Variants in CTNNA2 observed in about 807,000 individuals in gnomAD.
CTNNA2 encodes catenin alpha-2.
Under a neutral mutation model 101.0 loss-of-function variants are expected in CTNNA2, and 42 were observed. The ratio of observed to expected loss-of-function variants is 0.42; its 90% CI spans 0.32 to 0.54. The LOEUF (loss-of-function observed/expected upper bound fraction) is 0.54. CTNNA2 is among the 20% of genes least tolerant of loss of function. The pLI, the probability that CTNNA2 is intolerant of heterozygous loss-of-function variation, is 0.14. For missense variants in CTNNA2, 871 were observed against 1,223.1 expected (o/e 0.71, Z 4.29); for synonymous variants, 450 against 456.4 (o/e 0.99, Z 0.18).
intron 3 of CTNNA2, among the ~76,000 whole-genome samples, chr2:79,789,633 G>A (rs887181861): frequency 3.9e-5 from 6 of 152,066 alleles, no homozygotes; most frequent in South Asian, 2.1e-4. Context: ...GGTTAAAAAT[G>A]ATGAGAATTG....
chr2:80,437,689 G>A (rs1261243014), intron 9 of CTNNA2, among the ~76,000 whole-genome samples: 1 of 152,140 alleles, frequency 6.6e-6, no homozygotes, highest in Non-Finnish European at 1.5e-5. Flanking sequence ...TCATTTGCTA[G>A]AGCTGCCATT....
intron 7 of CTNNA2, among the ~76,000 whole-genome samples, chr2:80,206,785 A>G (rs1374695486): frequency 6.6e-6 from 1 of 152,154 alleles, no homozygotes; most frequent in Non-Finnish European, 1.5e-5. Flanking sequence ...TGATAAACCA[A>G]TTTGTTTTTT....
chr2:80,334,138 T>G (rs1226824935), intron 7 of CTNNA2, among the ~76,000 whole-genome samples: 2 of 152,254 alleles, frequency 1.3e-5, no homozygotes, highest in Non-Finnish European at 2.9e-5. Context: ...ATTGTCAGTT[T>G]AGCTCCATTT....
rs1677371234 is a variant in CTNNA2 at position 79,350,880 on chromosome 2, G to C, written c.-317-22951G>C. On this transcript the variant is annotated intron_variant, in intron 3 of 21. Transcript: ENST00000466387. ...CTGTGGCTGTAATTTGCATTTCTCT[G>C]ATGGTTAGCGATGTGGGGCATGTTT... is the stretch of plus-strand genomic sequence containing the variant. 2.0e-5 allele frequency among the ~76,000 whole-genome samples: 3 copies of C among 152,278 alleles called. No individual in the cohort carries two copies. The South Asian group carries it at 6.2e-4, about 32-fold the overall frequency.
intron 7 of CTNNA2, among the ~76,000 whole-genome samples, chr2:80,372,139 A>T (rs961261401): frequency 6.6e-6 from 1 of 152,090 alleles, no homozygotes; most frequent in African/African-American, 2.4e-5. Flanking sequence ...CAGGTGTGAG[A>T]TGATTGGATT....
intron 7 of CTNNA2, among the ~76,000 whole-genome samples, chr2:79,949,902 CT>C (rs1346653985): frequency 6.6e-6 from 1 of 152,122 alleles, no homozygotes; most frequent in Non-Finnish European, 1.5e-5. Flanking sequence ...AGCCAGATAT[CT>C]TTAATATATT....
chr2:79,477,315 C>T (rs1265157143), intron 4 of CTNNA2, among the ~76,000 whole-genome samples: 1 of 151,886 alleles, frequency 6.6e-6, no homozygotes, highest in African/African-American at 2.4e-5. Context: ...GGTTTACAGG[C>T]ACCCGCCACC....
At chr2:79,962,810 G>A (rs1335939731) in intron 7 of CTNNA2, among the ~76,000 whole-genome samples, 3 of 152,132 alleles carry the variant, frequency 2.0e-5, no homozygotes, top group Admixed American at 2.0e-4. Flanking sequence ...GGTGGCTCAC[G>A]CCTGTAATCC....
At chr2:80,076,750 C>T (rs1265686655) in intron 7 of CTNNA2, among the ~76,000 whole-genome samples, 1 of 151,960 alleles carries the variant, frequency 6.6e-6, no homozygotes, top group Non-Finnish European at 1.5e-5. Context: ...AATATATAGC[C>T]CCTCTATGTT....
intron 6 of CTNNA2, among the ~76,000 whole-genome samples, chr2:79,900,580 G>A (rs546845187): frequency 2.0e-5 from 3 of 152,020 alleles, no homozygotes; most frequent in Non-Finnish European, 4.4e-5. Flanking sequence ...CGGTACCTGC[G>A]ACTACATGGC....
chr2:79,469,030 A>G (rs1448636676), intron 4 of CTNNA2, among the ~76,000 whole-genome samples: 1 of 152,234 alleles, frequency 6.6e-6, no homozygotes, highest in African/African-American at 2.4e-5. Flanking sequence ...AACTAAGATC[A>G]GAGCAGAACT....
intron 2 of CTNNA2, among the ~76,000 whole-genome samples, chr2:79,736,640 T>G (rs1048188631): frequency 1.3e-5 from 2 of 152,218 alleles, no homozygotes; most frequent in African/African-American, 4.8e-5. Flanking sequence ...ATGTCTTGCT[T>G]TGGAATTTCT....
chr2:80,179,396 C>T (rs1961023), intron 7 of CTNNA2, among the ~76,000 whole-genome samples: 61,892 of 151,826 alleles, frequency 0.41, 14,010 homozygotes, highest in Non-Finnish European at 0.52. Context: ...TTTTTTGAGA[C>T]GGAGTCTCGC....
intron 7 of CTNNA2, among the ~76,000 whole-genome samples, chr2:80,045,914 G>A (rs543217752): frequency 5.6e-4 from 85 of 152,248 alleles, no homozygotes; most frequent in Admixed American, 1.8e-3. Flanking sequence ...TGTGGCTGCC[G>A]AAGCGGGTTT....
At chr2:80,625,834 A>ACTAGGATTTGGG (rs1356243137) in intron 18 of CTNNA2, among the ~76,000 whole-genome samples, 21 of 152,058 alleles carry the variant, frequency 1.4e-4, no homozygotes, top group African/African-American at 5.1e-4. Flanking sequence ...GCACTGTTTA[A>ACTAGGATTTGGG]CTAGGATTTG....
intron 9 of CTNNA2, among the ~76,000 whole-genome samples, chr2:80,513,284 C>T (rs1303178505): frequency 6.6e-6 from 1 of 152,198 alleles, no homozygotes; most frequent in Non-Finnish European, 1.5e-5. Flanking sequence ...TCCCTTCCTT[C>T]AGTTTTTTCC....
chr2:80,575,684 T>C (rs1410021449), intron 13 of CTNNA2, among the ~76,000 whole-genome samples: 2 of 152,282 alleles, frequency 1.3e-5, no homozygotes, highest in Admixed American at 6.5e-5. Flanking sequence ...TTTTTCTGCT[T>C]TGCTGGCCTT....
chr2:79,428,625 G>A (rs1442447915), intron 4 of CTNNA2, among the ~76,000 whole-genome samples: 1 of 151,904 alleles, frequency 6.6e-6, no homozygotes, highest in Admixed American at 6.6e-5. Flanking sequence ...AAAGAAACAG[G>A]CAAGCTTTGG....
At chr2:79,646,692 C>A (rs148126862) in intron 1 of CTNNA2, among the ~76,000 whole-genome samples, 1 of 151,804 alleles carries the variant, frequency 6.6e-6, no homozygotes, top group African/African-American at 2.4e-5. Flanking sequence ...ACCATGCTCA[C>A]CTAATTTTTG....
Sources: gnomAD v4.1 joint callset for allele counts (sites outside exome capture counted in the v4.1 genomes callset) on GRCh38, gnomAD v4.1.1 for gene constraint, MANE v1.5 for transcripts, NCBI Gene and HGNC (gene_info 2026-07-23, HGNC 2026-07-21) for gene names.